Variants in UBE3D observed in about 807,000 individuals in gnomAD.
UBE3D encodes E3 ubiquitin-protein ligase E3D.
In UBE3D, 48 loss-of-function variants were observed where a neutral mutation model predicts 49.6. The observed-to-expected ratio is 0.97, with a 90% CI of 0.77 to 1.23. The LOEUF is 1.23. Ranked by LOEUF, UBE3D falls within the 50% of genes most tolerant of loss-of-function variation. UBE3D has a pLI of 0.00. For synonymous variants in UBE3D, 189 were observed against 174.2 expected (o/e 1.08, Z -0.67); for missense variants, 452 against 468.4 (o/e 0.96, Z 0.32).
intron 3 of UBE3D, among the ~76,000 whole-genome samples, chr6:83,048,462 T>A (rs1783230642): frequency 6.6e-6 from 1 of 152,186 alleles, no homozygotes. Flanking sequence ...ATACTGCATG[T>A]AGTGCCAATA....
At chr6:82,914,506 A>G (rs1215466953) in intron 9 of UBE3D, among the ~76,000 whole-genome samples, 2 of 152,154 alleles carry the variant, frequency 1.3e-5, no homozygotes, top group African/African-American at 4.8e-5. Flanking sequence ...GGTAGGGAGA[A>G]GTTGGCTGGA....
intron 7 of UBE3D, 63 bp downstream of exon 7, chr6:83,022,390 A>T (rs1582664142): frequency 1.8e-6 from 2 of 1,087,418 alleles, no homozygotes; most frequent in East Asian, 5.7e-5. Context: ...GGATGAAAAA[A>T]CTGAAGAATT....
chr6:82,933,907 GC>G (rs1774357538), intron 9 of UBE3D, among the ~76,000 whole-genome samples: 1 of 152,132 alleles, frequency 6.6e-6, no homozygotes, highest in Non-Finnish European at 1.5e-5. Flanking sequence ...GCCTAGTGGG[GC>G]TAAAGTTAAG....
chr6:82,915,588 G>A (rs777096670), intron 9 of UBE3D, among the ~76,000 whole-genome samples: 8 of 152,164 alleles, frequency 5.3e-5, no homozygotes, highest in South Asian at 4.1e-4. Context: ...TGAGAGATCA[G>A]CTGGTCCAAC....
At chr6:83,013,624 C>T (rs192268961) in intron 8 of UBE3D, among the ~76,000 whole-genome samples, 15 of 152,324 alleles carry the variant, frequency 9.8e-5, no homozygotes, top group Admixed American at 7.2e-4. Flanking sequence ...GCCTACCAGG[C>T]GTTGTGCCTC....
chr6:82,907,696 T>C (rs1293728699), intron 9 of UBE3D, among the ~76,000 whole-genome samples: 1 of 152,202 alleles, frequency 6.6e-6, no homozygotes, highest in African/African-American at 2.4e-5. Flanking sequence ...ATGATGTCAC[T>C]GATGAAGACA....
At chr6:83,009,067 G>A (rs888459043) in intron 8 of UBE3D, among the ~76,000 whole-genome samples, 2 of 152,156 alleles carry the variant, frequency 1.3e-5, no homozygotes, top group Non-Finnish European at 2.9e-5. Flanking sequence ...TTAAGAATGA[G>A]TGAAGTAATA....
chr6:82,919,878 T>A (rs548960455), intron 9 of UBE3D, among the ~76,000 whole-genome samples: 1 of 152,232 alleles, frequency 6.6e-6, no homozygotes, highest in South Asian at 2.1e-4. Context: ...CACACAGACA[T>A]TGTGGTTTCG....
At position 82,957,304 on chromosome 6, in the gene UBE3D, T is replaced by C. The variant is rs745335677; in HGVS notation, c.1149+8A>G. ...AAATCACGGCCTAGAAAAGAAGCCA[T>C]TGCTCACCTGAAAGGAATTCACACG... is the stretch of plus-strand genomic sequence containing the variant. On this transcript the variant is annotated splice_region_variant and intron_variant, in intron 9 of 9. Coordinates refer to ENST00000369747, the MANE Select transcript of UBE3D (RefSeq NM_198920.3). 1 of 1,611,344 alleles carries C rather than the reference T, an allele frequency of 6.2e-7. No individual in the cohort carries two copies. Among genetic ancestry groups the C allele is most frequent in the Non-Finnish European group, 8.5e-7 (1 of 1,179,038 alleles).
chr6:82,998,899 A>C (rs1051675973), intron 8 of UBE3D, among the ~76,000 whole-genome samples: 2 of 152,214 alleles, frequency 1.3e-5, no homozygotes, highest in Admixed American at 1.3e-4. Context: ...TGCTTAGTAG[A>C]TGATAAGCTG....
chr6:83,002,667 A>G (rs1226955360), intron 8 of UBE3D, among the ~76,000 whole-genome samples: 1 of 152,262 alleles, frequency 6.6e-6, no homozygotes, highest in African/African-American at 2.4e-5. Context: ...CCTGGGCGAC[A>G]GAGTGAGACT....
chr6:83,009,427 G>A (rs1364262948), intron 8 of UBE3D, among the ~76,000 whole-genome samples: 1 of 151,584 alleles, frequency 6.6e-6, no homozygotes, highest in African/African-American at 2.4e-5. Context: ...GATGGCCCTG[G>A]TTCACATGAA....
intron 9 of UBE3D, among the ~76,000 whole-genome samples, chr6:82,942,641 G>A (rs1032906382): frequency 6.6e-6 from 1 of 152,220 alleles, no homozygotes; most frequent in Non-Finnish European, 1.5e-5. Flanking sequence ...GTTTCAAAGG[G>A]TGCAAGCCCC....
At chr6:82,954,738 A>G (rs1776040914) in intron 9 of UBE3D, among the ~76,000 whole-genome samples, 1 of 152,222 alleles carries the variant, frequency 6.6e-6, no homozygotes. Context: ...CCATTATAAT[A>G]AATGATGAAG....
At chr6:82,913,581 T>A (rs1259798845) in intron 9 of UBE3D, among the ~76,000 whole-genome samples, 1 of 152,216 alleles carries the variant, frequency 6.6e-6, no homozygotes, top group Non-Finnish European at 1.5e-5. Flanking sequence ...TATCTTTTCC[T>A]CTATCATCCA....
chr6:82,902,474 C>T (rs1173567217), intron 9 of UBE3D, among the ~76,000 whole-genome samples: 8 of 152,138 alleles, frequency 5.3e-5, no homozygotes, highest in South Asian at 2.1e-4. Flanking sequence ...ACACATGACT[C>T]GGAAGAATCT....
chr6:82,931,001 G>A (rs1051765929), intron 9 of UBE3D, among the ~76,000 whole-genome samples: 7 of 152,118 alleles, frequency 4.6e-5, no homozygotes, highest in South Asian at 4.1e-4. Flanking sequence ...AAATGGTTTC[G>A]TGGGCCAGGC....
At chr6:83,007,313 C>T (rs1013259718) in intron 8 of UBE3D, among the ~76,000 whole-genome samples, 3 of 152,134 alleles carry the variant, frequency 2.0e-5, no homozygotes, top group South Asian at 2.1e-4. Flanking sequence ...TTCCACATTC[C>T]TAAGTTAGAT....
At chr6:83,045,936 A>G (rs1315930398) in intron 3 of UBE3D, among the ~76,000 whole-genome samples, 2 of 152,052 alleles carry the variant, frequency 1.3e-5, no homozygotes, top group African/African-American at 2.4e-5. Context: ...GACACTTGAG[A>G]TTTTTGCAAA....
Sources: allele counts gnomAD v4.1 joint callset (sites outside exome capture counted in the v4.1 genomes callset), GRCh38; gene constraint gnomAD v4.1.1; transcripts MANE v1.5; gene names NCBI Gene and HGNC (gene_info 2026-07-23, HGNC 2026-07-21).